The following RBM47 variants were observed in gnomAD, a reference collection of about 807,000 sequenced individuals.
The protein encoded by RBM47 is RNA-binding protein 47.
A neutral mutation model predicts 47.1 loss-of-function variants in RBM47; 21 were observed. The ratio of observed to expected loss-of-function variants is 0.45; its 90% CI spans 0.32 to 0.64. RBM47 has a LOEUF of 0.64. Among genes scored for constraint, RBM47 ranks in the 30% least tolerant of loss-of-function variants. RBM47 has a pLI of 0.05. For synonymous variants in RBM47, 375 were observed against 361.7 expected, an observed-to-expected ratio of 1.04 and a Z score of -0.42; for missense variants, 708 against 870.9, an observed-to-expected ratio of 0.81 and a Z score of 2.35.
intron 3 of RBM47, among the ~76,000 whole-genome samples, chr4:40,458,569 A>G (rs1716631429): frequency 6.6e-6 from 1 of 152,220 alleles, no homozygotes; most frequent in African/African-American, 2.4e-5. Context: ...AATCAACTAT[A>G]TTTATGACAA....
At chr4:40,581,983 C>T (rs1402830838) in intron 1 of RBM47, among the ~76,000 whole-genome samples, 2 of 152,004 alleles carry the variant, frequency 1.3e-5, no homozygotes, top group East Asian at 3.9e-4. Flanking sequence ...GCAAGTGGAT[C>T]GCCATCCCCC....
intron 1 of RBM47, among the ~76,000 whole-genome samples, chr4:40,575,350 G>A (rs1461072537): frequency 6.6e-6 from 1 of 151,990 alleles, no homozygotes; most frequent in African/African-American, 2.4e-5. Context: ...TCAGGAGTTC[G>A]AGACCAGCCT....
intron 1 of RBM47, among the ~76,000 whole-genome samples, chr4:40,596,851 A>G (rs778137348): frequency 2.6e-5 from 4 of 152,162 alleles, no homozygotes; most frequent in Admixed American, 1.3e-4. Flanking sequence ...GGCTTCAGTT[A>G]TCTCTCCAGT....
In RBM47 at chr4:40,437,887, G is replaced by A. The variant is rs537345346; in HGVS notation, c.1007C>T (p.Ala336Val). The A allele has an allele frequency of 1.8e-5, 29 of 1,613,826 alleles. No homozygotes were observed. The highest frequency in any genetic ancestry group is 2.3e-5 in the Non-Finnish European group (27 of 1,180,022). ...RYQKAARGGGAAEAAQQPSYV... is the reference protein window; with the variant it reads ...RYQKAARGGGVAEAAQQPSYV... ...GCTGGGCTGCTGCGCTGCCTCAGCC[G>A]CGCCGCCGCCCCTGGCTGCCTTCTG... The change falls in exon 4 of 7, where the codon GCG (alanine) becomes GTG (valine). Residue 336 changes from alanine (A) to valine (V), a missense_variant. By Grantham distance (64) the Ala-to-Val change is moderately conservative. Transcript: ENST00000295971.
At chr4:40,564,341 G>A (rs1294339922) in intron 1 of RBM47, among the ~76,000 whole-genome samples, 1 of 152,218 alleles carries the variant, frequency 6.6e-6, no homozygotes, top group African/African-American at 2.4e-5. Context: ...TGGCAAAGCA[G>A]CTGCCAGTCT....
At chr4:40,433,215 C>A (rs1356838388) in intron 5 of RBM47, among the ~76,000 whole-genome samples, 1 of 152,166 alleles carries the variant, frequency 6.6e-6, no homozygotes, top group Non-Finnish European at 1.5e-5. Flanking sequence ...ACTGCCTTGG[C>A]CTCCCAAAGT....
chr4:40,603,349 T>C (rs932371388), intron 1 of RBM47, among the ~76,000 whole-genome samples: 1 of 152,228 alleles, frequency 6.6e-6, no homozygotes, highest in African/African-American at 2.4e-5. Flanking sequence ...ATTCATCTAC[T>C]ATTAATGGAT....
chr4:40,630,617 G>C (rs912887461), upstream of RBM47: 1 of 152,250 alleles, frequency 6.6e-6, no homozygotes, highest in African/African-American at 2.4e-5. Flanking sequence ...AGTTACGGAG[G>C]GTTTCTAGAA....
chr4:40,461,931 C>T (rs1287446629), intron 3 of RBM47, among the ~76,000 whole-genome samples: 7 of 116,186 alleles, frequency 6.0e-5, no homozygotes, highest in South Asian at 3.7e-4. Flanking sequence ...GTGAAAACTC[C>T]GTCTCAAAAA....
At chr4:40,558,844 A>AT (rs1194194780) in intron 1 of RBM47, among the ~76,000 whole-genome samples, 36 of 150,072 alleles carry the variant, frequency 2.4e-4, no homozygotes, top group Non-Finnish European at 4.3e-4. Flanking sequence ...AAAAAAAAAA[A>AT]TTAGCCGGGC....
Position 40,438,917 on chromosome 4 carries a change from G to A in RBM47, c.-24C>T, listed in dbSNP as rs1577631714. ...ATAATGTCAAAGGCATCCACAGCTG[G>A]CGGAAACCTGGGGAAGCAGAAAGAA... On this transcript the variant is annotated 5_prime_UTR_variant, in exon 4 of 7. Transcript: ENST00000295971. The A allele has an allele frequency of 2.0e-6, 3 of 1,509,270 alleles. No homozygotes were observed. Among genetic ancestry groups the A allele is most frequent in the Non-Finnish European group, 2.7e-6 (3 of 1,131,240 alleles). 93.5% of individuals were successfully genotyped at this position (1,509,270 alleles called of 1,614,324 possible).
At chr4:40,502,982 T>A (rs1380210497) in intron 2 of RBM47, among the ~76,000 whole-genome samples, 1 of 113,932 alleles carries the variant, frequency 8.8e-6, no homozygotes, top group African/African-American at 3.2e-5. Flanking sequence ...CAACCCTGTC[T>A]GTACAAAAAA....
intron 1 of RBM47, among the ~76,000 whole-genome samples, chr4:40,626,907 A>G (rs1263238238): frequency 6.6e-6 from 1 of 152,212 alleles, no homozygotes; most frequent in Non-Finnish European, 1.5e-5. Flanking sequence ...CTGAGCAATT[A>G]GTTACTGATC....
intron 2 of RBM47, chr4:40,543,725 G>A (rs1728756745): frequency 6.6e-6 from 1 of 152,036 alleles, no homozygotes; most frequent in Non-Finnish European, 1.5e-5. Flanking sequence ...ATAAACCCAG[G>A]AGCAGAGGTT....
At chr4:40,525,603 G>A (rs1000525788) in intron 2 of RBM47, among the ~76,000 whole-genome samples, 7 of 152,040 alleles carry the variant, frequency 4.6e-5, no homozygotes, top group Non-Finnish European at 1.0e-4. Context: ...AAAGAACTTC[G>A]AAAATAGCCT....
chr4:40,576,264 G>GGGGA (rs1553903914), intron 1 of RBM47, among the ~76,000 whole-genome samples: 1 of 135,792 alleles, frequency 7.4e-6, no homozygotes, highest in African/African-American at 2.8e-5. Flanking sequence ...TTTGGGGGGG[G>GGGGA]GCGGAGACAG....
intron 2 of RBM47, among the ~76,000 whole-genome samples, chr4:40,528,040 C>T (rs544691812): frequency 2.7e-4 from 41 of 152,268 alleles, no homozygotes; most frequent in Non-Finnish European, 4.7e-4. Context: ...CAAATACTTA[C>T]GAAGTATTTC....
chr4:40,545,623 G>T (rs893589132), intron 1 of RBM47, among the ~76,000 whole-genome samples: 2 of 144,732 alleles, frequency 1.4e-5, no homozygotes, highest in East Asian at 2.0e-4. Context: ...AAGATCACGC[G>T]ATTGCTCTCC....
At chr4:40,440,131 C>T (rs1193809472) in intron 3 of RBM47, among the ~76,000 whole-genome samples, 4 of 152,058 alleles carry the variant, frequency 2.6e-5, no homozygotes, top group South Asian at 2.1e-4. Context: ...GGCTCCAATT[C>T]GCCTTTTAAA....
Sources: allele counts gnomAD v4.1 joint callset (sites outside exome capture counted in the v4.1 genomes callset), GRCh38; gene constraint gnomAD v4.1.1; transcripts MANE v1.5; gene names NCBI Gene and HGNC (gene_info 2026-07-23, HGNC 2026-07-21).